Variants in SGCZ observed in about 807,000 individuals in gnomAD.
SGCZ encodes zeta-sarcoglycan.
In SGCZ, 40 loss-of-function variants were observed where a neutral mutation model predicts 41.3. That is an observed-to-expected ratio of 0.97 (90% CI 0.75 to 1.26). SGCZ has a LOEUF of 1.26. Ranked by LOEUF, SGCZ falls within the 50% of genes most tolerant of loss-of-function variation. The probability of loss-of-function intolerance (pLI) is 0.00; values close to 1 mark genes in which losing one functional copy is unlikely to be tolerated. For synonymous variants in SGCZ, 206 were observed against 137.5 expected (o/e 1.50, Z -3.49); for missense variants, 552 against 369.8 (o/e 1.49, Z -4.04).
At chr8:14,369,749 A>G (rs535156841) in intron 2 of SGCZ, among the ~76,000 whole-genome samples, 3 of 152,034 alleles carry the variant, frequency 2.0e-5, no homozygotes, top group Middle Eastern at 3.4e-3. Context: ...ACTTCTTGCT[A>G]TTCTACTATA....
At chr8:14,863,515 T>A (rs1360251666) in intron 1 of SGCZ, among the ~76,000 whole-genome samples, 1 of 152,002 alleles carries the variant, frequency 6.6e-6, no homozygotes, top group African/African-American at 2.4e-5. Flanking sequence ...TCTAGCGCTT[T>A]AATTTCAAAT....
intron 1 of SGCZ, among the ~76,000 whole-genome samples, chr8:14,644,469 C>G (rs1807141309): frequency 6.6e-6 from 1 of 150,886 alleles, no homozygotes; most frequent in African/African-American, 2.4e-5. Context: ...AGATTTTAGA[C>G]TTCCCAGTCT....
intron 1 of SGCZ, among the ~76,000 whole-genome samples, chr8:14,756,623 G>C (rs1799677642): frequency 6.6e-6 from 1 of 152,152 alleles, no homozygotes; most frequent in Non-Finnish European, 1.5e-5. Flanking sequence ...AAACATAACA[G>C]GCGTGCTTCT....
intron 1 of SGCZ, among the ~76,000 whole-genome samples, chr8:15,158,740 T>C (rs1459486660): frequency 6.6e-6 from 1 of 152,112 alleles, no homozygotes; most frequent in African/African-American, 2.4e-5. Flanking sequence ...GAGTTTAGGA[T>C]TTCCCCAAAG....
chr8:15,107,035 G>A (rs891625152), intron 1 of SGCZ, among the ~76,000 whole-genome samples: 1 of 152,012 alleles, frequency 6.6e-6, no homozygotes, highest in African/African-American at 2.4e-5. Flanking sequence ...ATCTAAATCT[G>A]CATTCCTTAC....
chr8:14,523,448 A>C (rs2117105561), intron 2 of SGCZ, among the ~76,000 whole-genome samples: 1 of 152,170 alleles, frequency 6.6e-6, no homozygotes, highest in Non-Finnish European at 1.5e-5. Context: ...TTCTAGTTTA[A>C]GTTTTTCTTC....
At chr8:14,677,056 T>C (rs372651972) in intron 1 of SGCZ, among the ~76,000 whole-genome samples, 19 of 151,994 alleles carry the variant, frequency 1.3e-4, no homozygotes, top group African/African-American at 4.6e-4. Flanking sequence ...ATTGTCTATG[T>C]AGAAAATTAA....
At chr8:14,556,022 A>G (rs900085820) in intron 1 of SGCZ, among the ~76,000 whole-genome samples, 1 of 152,008 alleles carries the variant, frequency 6.6e-6, no homozygotes, top group African/African-American at 2.4e-5. Flanking sequence ...TTGATAATGC[A>G]TACATTCAGG....
intron 2 of SGCZ, among the ~76,000 whole-genome samples, chr8:14,475,792 G>C (rs971521044): frequency 6.6e-6 from 1 of 151,994 alleles, no homozygotes. Flanking sequence ...CAATATATTA[G>C]TTCAAATAGT....
chr8:14,588,425 A>G (rs760558471), intron 1 of SGCZ, among the ~76,000 whole-genome samples: 1 of 151,922 alleles, frequency 6.6e-6, no homozygotes, highest in Non-Finnish European at 1.5e-5. Flanking sequence ...AAATACAGGA[A>G]AACTTTGATT....
chr8:14,847,831 T>C (rs1294125250), intron 1 of SGCZ, among the ~76,000 whole-genome samples: 3 of 145,486 alleles, frequency 2.1e-5, no homozygotes, highest in African/African-American at 7.5e-5. Context: ...CTCTCTAATA[T>C]CACAAGTAAG....
chr8:14,420,710 C>G (rs967966634), intron 2 of SGCZ, among the ~76,000 whole-genome samples: 1 of 152,076 alleles, frequency 6.6e-6, no homozygotes, highest in Non-Finnish European at 1.5e-5. Context: ...GCCCACCAGA[C>G]AGTAACAAGT....
intron 1 of SGCZ, among the ~76,000 whole-genome samples, chr8:15,215,511 C>G (rs1408297770): frequency 6.6e-6 from 1 of 152,112 alleles, no homozygotes; most frequent in Non-Finnish European, 1.5e-5. Context: ...CTAGCAATGC[C>G]TATAGGTGTT....
At chr8:14,484,796 T>C (rs1801629348) in intron 2 of SGCZ, among the ~76,000 whole-genome samples, 1 of 152,238 alleles carries the variant, frequency 6.6e-6, no homozygotes, top group Non-Finnish European at 1.5e-5. Flanking sequence ...CAGAAAATCA[T>C]TGTTGGTAAT....
At chr8:14,802,879 C>A (rs907818446) in intron 1 of SGCZ, among the ~76,000 whole-genome samples, 1 of 152,142 alleles carries the variant, frequency 6.6e-6, no homozygotes, top group Non-Finnish European at 1.5e-5. Context: ...AACTCACAGC[C>A]CACCTGCACT....
intron 1 of SGCZ, among the ~76,000 whole-genome samples, chr8:14,800,982 C>A (rs953565977): frequency 6.6e-6 from 1 of 152,114 alleles, no homozygotes; most frequent in African/African-American, 2.4e-5. Context: ...ATATCAAGAA[C>A]AAAGGAAACT....
At chr8:15,153,506 T>C (rs1360298339) in intron 1 of SGCZ, among the ~76,000 whole-genome samples, 2 of 152,124 alleles carry the variant, frequency 1.3e-5, no homozygotes, top group Non-Finnish European at 2.9e-5. Context: ...CCAAATCTCA[T>C]GTTGAAATGT....
At chr8:15,167,366 C>T (rs1799696794) in intron 1 of SGCZ, among the ~76,000 whole-genome samples, 1 of 152,186 alleles carries the variant, frequency 6.6e-6, no homozygotes, top group Non-Finnish European at 1.5e-5. Flanking sequence ...TACGTAGTCC[C>T]TGTACAGGGT....
intron 1 of SGCZ, among the ~76,000 whole-genome samples, chr8:14,892,575 T>C (rs981122795): frequency 6.6e-6 from 1 of 152,176 alleles, no homozygotes; most frequent in African/African-American, 2.4e-5. Context: ...TTAATAATAG[T>C]TTATTATTTG....
Sources: allele counts gnomAD v4.1 joint callset (sites outside exome capture counted in the v4.1 genomes callset), GRCh38; gene constraint gnomAD v4.1.1; transcripts MANE v1.5; gene names NCBI Gene and HGNC (gene_info 2026-07-23, HGNC 2026-07-21).